KIAA1328: variants seen among roughly 807,000 people sequenced by gnomAD.
KIAA1328 encodes the protein protein hinderin.
Under a neutral mutation model 68.1 loss-of-function variants are expected in KIAA1328, and 52 were observed. The observed-to-expected ratio is 0.76, with a 90% confidence interval of 0.61 to 0.96. The LOEUF (loss-of-function observed/expected upper bound fraction) is 0.96, where lower values mean the gene tolerates loss of function less well. KIAA1328 is among the 40% of genes least tolerant of loss of function. The probability of loss-of-function intolerance (pLI) is 0.00; values close to 1 mark genes in which losing one functional copy is unlikely to be tolerated. For synonymous variants in KIAA1328, 232 were observed against 239.4 expected, an observed-to-expected ratio of 0.97 and a Z score of 0.28; for missense variants, 641 against 677.6, an observed-to-expected ratio of 0.95 and a Z score of 0.60.
rs1349424123 is a variant in KIAA1328 at position 37,219,366 on chromosome 18, T to C, written c.1524-2651T>C. On this transcript the variant is annotated intron_variant, in intron 9 of 9. Transcript: ENST00000280020. ...GGAAAACCACTGCTCTCTTCAGAGC[T>C]GTCAGGGATGTTTAAGTCTGCAGAA... 3.3e-5 allele frequency among the ~76,000 whole-genome samples: 5 copies of C among 152,302 alleles called. No homozygotes were observed. In the South Asian group the frequency reaches 6.2e-4, roughly 19 times the overall value.
At chr18:37,055,636 A>T (rs948453403) in intron 6 of KIAA1328, among the ~76,000 whole-genome samples, 1 of 152,186 alleles carries the variant, frequency 6.6e-6, no homozygotes, top group Non-Finnish European at 1.5e-5. Flanking sequence ...GCATCATGTC[A>T]TTCTGTGCCT....
chr18:36,998,561 A>G (rs1212696005), intron 6 of KIAA1328, among the ~76,000 whole-genome samples: 3 of 152,166 alleles, frequency 2.0e-5, no homozygotes, highest in East Asian at 1.9e-4. Context: ...TGCCACCACT[A>G]TGGCCTGAAG....
At chr18:36,845,581 A>AT (rs1459386265) in intron 4 of KIAA1328, among the ~76,000 whole-genome samples, 1 of 151,762 alleles carries the variant, frequency 6.6e-6, no homozygotes, top group African/African-American at 2.4e-5. Context: ...AATAAAACGC[A>AT]TATTTGACAA....
chr18:36,991,319 A>G (rs1360626253), intron 6 of KIAA1328, among the ~76,000 whole-genome samples: 1 of 151,932 alleles, frequency 6.6e-6, no homozygotes, highest in Non-Finnish European at 1.5e-5. Context: ...TAAGATTTAG[A>G]CTCTGGCTTG....
chr18:37,037,213 A>T (rs2055061170), intron 6 of KIAA1328, among the ~76,000 whole-genome samples: 1 of 152,104 alleles, frequency 6.6e-6, no homozygotes, highest in African/African-American at 2.4e-5. Context: ...CAGCTAATCG[A>T]CTCTAAAAGG....
intron 7 of KIAA1328, among the ~76,000 whole-genome samples, chr18:37,094,375 T>A (rs138388734): frequency 2.0e-5 from 3 of 151,766 alleles, no homozygotes; most frequent in East Asian, 1.9e-4. Flanking sequence ...AAAAAACCTG[T>A]CAGTCAAGAG....
At chr18:36,939,084 A>G in intron 5 of KIAA1328, among the ~76,000 whole-genome samples, 1 of 152,046 alleles carries the variant, frequency 6.6e-6, no homozygotes, top group East Asian at 1.9e-4. Flanking sequence ...GGTCTTTTGT[A>G]GTACAGATTT....
At chr18:37,228,989 T>C (rs72898326), downstream of KIAA1328, among the ~76,000 whole-genome samples, 392 of 152,370 alleles carry the variant, frequency 2.6e-3, 1 homozygote, top group Non-Finnish European at 4.2e-3. Flanking sequence ...AACATAACTT[T>C]TATATGCACT....
chr18:37,171,389 AT>A (rs1188168472), intron 8 of KIAA1328, among the ~76,000 whole-genome samples: 3 of 151,748 alleles, frequency 2.0e-5, no homozygotes, highest in African/African-American at 7.3e-5. Flanking sequence ...GGCTAATTTT[AT>A]TTTTTATAGA....
At chr18:37,008,461 C>T (rs966565010) in intron 6 of KIAA1328, among the ~76,000 whole-genome samples, 7 of 152,054 alleles carry the variant, frequency 4.6e-5, no homozygotes, top group Non-Finnish European at 7.4e-5. Flanking sequence ...CCATAGCCTG[C>T]GCAACATAAC....
At chr18:37,126,892 A>T (rs1227868609) in intron 7 of KIAA1328, among the ~76,000 whole-genome samples, 7 of 151,906 alleles carry the variant, frequency 4.6e-5, no homozygotes, top group Non-Finnish European at 7.4e-5. Context: ...CATTCATGAT[A>T]AAAAAAATCT....
At chr18:37,100,590 G>A (rs968359532) in intron 7 of KIAA1328, among the ~76,000 whole-genome samples, 107 of 152,340 alleles carry the variant, frequency 7.0e-4, no homozygotes, top group Non-Finnish European at 1.1e-3. Context: ...CTCCACCTCT[G>A]GGGGCAGGGC....
At chr18:37,182,722 G>T (rs1390917920) in intron 9 of KIAA1328, among the ~76,000 whole-genome samples, 1 of 152,078 alleles carries the variant, frequency 6.6e-6, no homozygotes, top group Non-Finnish European at 1.5e-5. Flanking sequence ...TATTGACCTT[G>T]CAAATATGCC....
intron 5 of KIAA1328, among the ~76,000 whole-genome samples, chr18:36,893,443 G>T (rs1490503818): frequency 4.4e-5 from 6 of 137,864 alleles, no homozygotes; most frequent in Non-Finnish European, 9.5e-5. Context: ...ATTTGTGTGT[G>T]TGTGTGTGTG....
chr18:37,035,933 C>T (rs907744988), intron 6 of KIAA1328, among the ~76,000 whole-genome samples: 27 of 152,186 alleles, frequency 1.8e-4, no homozygotes, highest in African/African-American at 6.5e-4. Flanking sequence ...CCTCTCTGTT[C>T]TCTTCCATTC....
intron 6 of KIAA1328, among the ~76,000 whole-genome samples, chr18:37,016,205 G>A (rs927576390): frequency 1.6e-4 from 24 of 152,086 alleles, no homozygotes; most frequent in African/African-American, 5.6e-4. Context: ...TTTTATCATG[G>A]AGTGATGTTG....
intron 7 of KIAA1328, among the ~76,000 whole-genome samples, chr18:37,124,780 C>T (rs1033889423): frequency 1.3e-5 from 2 of 152,160 alleles, no homozygotes; most frequent in Non-Finnish European, 2.9e-5. Context: ...AGCTTATTAT[C>T]ATTCCAGTCC....
In KIAA1328 at chr18:37,017,846, C is replaced by G. The variant is rs535515396; in HGVS notation, c.577-49044C>G. On this transcript the variant is annotated intron_variant, in intron 6 of 9. Transcript: ENST00000280020. Reference sequence around the variant, plus strand: ...CTCCAATCCTTTACTTTGATCCTATCAGTATCATTATGTGTGAGATGGATC... The same window carrying G: ...CTCCAATCCTTTACTTTGATCCTATGAGTATCATTATGTGTGAGATGGATC... Among the ~76,000 whole-genome samples, 26 of 152,028 alleles carry G rather than the reference C, an allele frequency of 1.7e-4. 1 individual carries two copies. The highest frequency in any genetic ancestry group is 3.2e-4 in the Non-Finnish European group (22 of 67,966).
intron 6 of KIAA1328, among the ~76,000 whole-genome samples, chr18:36,990,045 A>G (rs1485529354): frequency 1.3e-5 from 2 of 152,144 alleles, no homozygotes; most frequent in East Asian, 3.9e-4. Context: ...AACTAAATAC[A>G]TCCTGGTCTT....
Sources: gnomAD v4.1 joint callset for allele counts (sites outside exome capture counted in the v4.1 genomes callset) on GRCh38, gnomAD v4.1.1 for gene constraint, MANE v1.5 for transcripts, NCBI Gene and HGNC (gene_info 2026-07-23, HGNC 2026-07-21) for gene names.